BRIP1: variants seen among roughly 807,000 people sequenced by gnomAD.
BRIP1 encodes the protein BRCA1 interacting DNA helicase 1.
In BRIP1, 88 loss-of-function variants were observed where a neutral mutation model predicts 119.7. That is an observed-to-expected ratio of 0.74 (90% CI 0.62 to 0.88). BRIP1 has a LOEUF of 0.88. Among genes scored for constraint, BRIP1 ranks in the 40% least tolerant of loss-of-function variants. The pLI is 0.00. For synonymous variants in BRIP1, 443 were observed against 496.5 expected (o/e 0.89, Z 1.43); for missense variants, 1,259 against 1,455.4 (o/e 0.87, Z 2.20).
Position 61,768,681 on chromosome 17 carries a change from C to T in BRIP1, c.2097+7720G>A, listed in dbSNP as rs2077405090. 6.6e-6 allele frequency among the ~76,000 whole-genome samples: 1 copy of T among 152,026 alleles called. No individual in the cohort carries two copies. The highest frequency in any genetic ancestry group is 6.6e-5 in the Admixed American group (1 of 15,256). On this transcript the variant is annotated intron_variant, in intron 14 of 19. Transcript: ENST00000259008. This position sits in a 1 kb window ranked among gnomAD's most constrained non-coding sequence, Gnocchi z 5.0. ...CCTGTGATAAAAAGTTTATGATAGC[C>T]CCTAAGATTCCTACTCCCTATATAC...
At chr17:61,849,540 G>A (rs985252759) in intron 4 of BRIP1, among the ~76,000 whole-genome samples, 4 of 152,128 alleles carry the variant, frequency 2.6e-5, no homozygotes, top group Admixed American at 2.6e-4. Flanking sequence ...ATGTATAACT[G>A]CAAGGATCTC....
At position 61,802,244 on chromosome 17, in the gene BRIP1, T is replaced by A. The variant is rs2078007139; in HGVS notation, c.919-770A>T. Among the ~76,000 whole-genome samples, 1 of 152,160 alleles carries A rather than the reference T, an allele frequency of 6.6e-6. No homozygotes were observed. The highest frequency in any genetic ancestry group is 1.5e-5 in the Non-Finnish European group (1 of 68,016). On this transcript the variant is annotated intron_variant, in intron 7 of 19. Coordinates refer to ENST00000259008, the MANE Select transcript of BRIP1 (RefSeq NM_032043.3). The surrounding 1 kb of genome is among the most constrained non-coding windows in gnomAD (Gnocchi z 6.0). Reference sequence around the variant, plus strand: ...GGGAGGCTTAGGCAAAAGGACTGTTTTAGGTGAGGAGTTTGATACCAGCCT... The same window carrying A: ...GGGAGGCTTAGGCAAAAGGACTGTTATAGGTGAGGAGTTTGATACCAGCCT...
rs949133687 is a variant in BRIP1, at chr17:61,826,408, A to G, written c.628-17651T>C. Among the ~76,000 whole-genome samples the G allele has an allele frequency of 2.0e-5, 3 of 152,202 alleles. No homozygotes were observed. The East Asian group carries it at 5.8e-4, about 29-fold the overall frequency. ...AAATTGACAAATGACACCCAATAAA[A>G]TTAAAGAGTTAATGCACAGCAAACG... is the stretch of plus-strand genomic sequence containing the variant. On this transcript the variant is annotated intron_variant, in intron 6 of 19. Transcript: ENST00000259008.
At chr17:61,786,759 T>C (rs1280106268) in intron 10 of BRIP1, among the ~76,000 whole-genome samples, 1 of 136,040 alleles carries the variant, frequency 7.4e-6, no homozygotes, top group African/African-American at 2.7e-5. Context: ...ATATTATATA[T>C]TTTATATATT....
chr17:61,797,933 G>C (rs2077926285), intron 9 of BRIP1, among the ~76,000 whole-genome samples: 1 of 151,966 alleles, frequency 6.6e-6, no homozygotes, highest in South Asian at 2.1e-4. Context: ...ATACATTGCT[G>C]GTAGAAGCAT....
rs942969529 is a variant in BRIP1 at position 61,769,553 on chromosome 17, T to G, written c.2097+6848A>C. Among the ~76,000 whole-genome samples the G allele has an allele frequency of 6.6e-6, 1 of 152,242 alleles. No individual in the cohort carries two copies. The highest frequency in any genetic ancestry group is 2.4e-5 in the African/African-American group (1 of 41,472). On this transcript the variant is annotated intron_variant, in intron 14 of 19. Transcript: ENST00000259008. This position sits in a 1 kb window ranked among gnomAD's most constrained non-coding sequence, Gnocchi z 4.9. ...TAATGTGCTAGTTTGCTCTTATGACTAGATTCTGAAACTCAGTAGCAAATT... is the reference window on the plus strand; with the variant it reads ...TAATGTGCTAGTTTGCTCTTATGACGAGATTCTGAAACTCAGTAGCAAATT...
chr17:61,791,366 G>T (rs541831627), intron 10 of BRIP1, among the ~76,000 whole-genome samples: 6 of 151,052 alleles, frequency 4.0e-5, no homozygotes, highest in African/African-American at 1.5e-4. Flanking sequence ...GGGCATGCCT[G>T]TAGTCCCAGC....
In BRIP1 at chr17:61,789,997, A is replaced by G. The variant is rs2077791041; in HGVS notation, c.1473+3600T>C. ...ATACAGTAGAATGAACTAATCTTAC[A>G]TGTACACCTCACTAAATACACACAC... is the stretch of plus-strand genomic sequence containing the variant. On this transcript the variant is annotated intron_variant, in intron 10 of 19. Transcript: ENST00000259008. This position sits in a 1 kb window ranked among gnomAD's most constrained non-coding sequence, Gnocchi z 4.8. 6.6e-6 allele frequency among the ~76,000 whole-genome samples: 1 copy of G among 152,126 alleles called. No homozygotes were observed. Among genetic ancestry groups the G allele is most frequent in the Non-Finnish European group, 1.5e-5 (1 of 68,004 alleles).
chr17:61,693,372 A>G lies in BRIP1; in HGVS notation c.2575+58T>C. ...GAGCTCATGTTATGTGTTTTTCACC[A>G]CAATAAAAATATGAAGATTGTTACT... On this transcript the variant is annotated intron_variant, in intron 18 of 19. Coordinates refer to ENST00000259008, the MANE Select transcript of BRIP1 (RefSeq NM_032043.3). The surrounding 1 kb of genome is among the most constrained non-coding windows in gnomAD (Gnocchi z 4.2). 1.4e-6 allele frequency: 2 copies of G among 1,450,442 alleles called. No individual in the cohort carries two copies. The highest frequency in any genetic ancestry group is 2.3e-5 in the South Asian group (2 of 87,816). 89.8% of individuals were successfully genotyped at this position (1,450,442 alleles called of 1,614,324 possible).
rs1437222408 is a variant in BRIP1, at chr17:61,684,150, C to T, written c.2906-10G>A. ...AGGAATACTGGATCATCTAAGAATA[C>T]AAGAATTTAAGAGATTTAACTTTCT... On this transcript the variant is annotated splice_polypyrimidine_tract_variant and intron_variant, in intron 19 of 19. Coordinates refer to ENST00000259008, the MANE Select transcript of BRIP1 (RefSeq NM_032043.3). The surrounding 1 kb of genome is among the most constrained non-coding windows in gnomAD (Gnocchi z 4.5). The T allele has an allele frequency of 1.2e-6, 2 of 1,612,174 alleles. No homozygotes were observed. Among genetic ancestry groups the T allele is most frequent in the African/African-American group, 1.3e-5 (1 of 74,930 alleles).
chr17:61,800,335 A>C (rs1013122304), intron 8 of BRIP1, among the ~76,000 whole-genome samples: 1 of 152,170 alleles, frequency 6.6e-6, no homozygotes, highest in African/African-American at 2.4e-5. Flanking sequence ...AAGAGTAGGA[A>C]ATATATTGGG....
Position 61,804,415 on chromosome 17 carries a change from T to TGA in BRIP1, c.919-2942_919-2941insTC, listed in dbSNP as rs1567834515. On this transcript the variant is annotated intron_variant, in intron 7 of 19. Transcript: ENST00000259008. The surrounding 1 kb of genome is among the most constrained non-coding windows in gnomAD (Gnocchi z 4.5). Reference sequence around the variant, plus strand: ...TTTGAGGCAGCTATATACATATGTGTGTGTGTGTGTGTGTGTGTGTGTGTG... The same window carrying TGA: ...TTTGAGGCAGCTATATACATATGTGTGAGTGTGTGTGTGTGTGTGTGTGTGTG... Among the ~76,000 whole-genome samples, 1 of 38,414 alleles carries TGA rather than the reference T, an allele frequency of 2.6e-5. No homozygotes were observed. The highest frequency in any genetic ancestry group is 1.1e-3 in the South Asian group (1 of 878). The allele number at this position is 38,414 out of a possible 152,430, so 25.2% of individuals were successfully genotyped here.
chr17:61,719,899 GCT>G (rs2061944854), intron 16 of BRIP1, among the ~76,000 whole-genome samples: 1 of 152,092 alleles, frequency 6.6e-6, no homozygotes, highest in East Asian at 1.9e-4. Flanking sequence ...TGCGATCATG[GCT>G]TACTTCAGCC....
intron 6 of BRIP1, among the ~76,000 whole-genome samples, chr17:61,812,293 T>C (rs188364200): frequency 4.9e-4 from 75 of 152,332 alleles, no homozygotes; most frequent in Non-Finnish European, 8.5e-4. Context: ...TGATCATGTT[T>C]ATCTTTCAAA....
At position 61,808,196 on chromosome 17, in the gene BRIP1, A is replaced by C. The variant is rs2078101737; in HGVS notation, c.918+271T>G. Among the ~76,000 whole-genome samples, 1 of 152,206 alleles carries C rather than the reference A, an allele frequency of 6.6e-6. No homozygotes were observed. The highest frequency in any genetic ancestry group is 2.4e-5 in the African/African-American group (1 of 41,462). ...TCCAAGTTTGACTATTTTTGGTAGC[A>C]GGATTTAAAAGAAGAAACTAAGATG... On this transcript the variant is annotated intron_variant, in intron 7 of 19. Transcript: ENST00000259008. This position sits in a 1 kb window ranked among gnomAD's most constrained non-coding sequence, Gnocchi z 4.1.
chr17:61,848,268 C>A lies in BRIP1; in HGVS notation c.507+861G>T, dbSNP rs1004405596. 6.6e-6 allele frequency among the ~76,000 whole-genome samples: 1 copy of A among 152,170 alleles called. No homozygotes were observed. Among genetic ancestry groups the A allele is most frequent in the Non-Finnish European group, 1.5e-5 (1 of 68,016 alleles). On this transcript the variant is annotated intron_variant, in intron 5 of 19. Coordinates refer to ENST00000259008, the MANE Select transcript of BRIP1 (RefSeq NM_032043.3). The surrounding 1 kb of genome is among the most constrained non-coding windows in gnomAD (Gnocchi z 4.3). ...TCTTAGCTCACCACAGCCTTCAACTCCTAGGCTTGAGCAATCCTCCTATCT... is the reference window on the plus strand; with the variant it reads ...TCTTAGCTCACCACAGCCTTCAACTACTAGGCTTGAGCAATCCTCCTATCT...
chr17:61,804,481 T>C lies in BRIP1; in HGVS notation c.919-3007A>G, dbSNP rs1667565042. 6.6e-6 allele frequency among the ~76,000 whole-genome samples: 1 copy of C among 151,228 alleles called. No homozygotes were observed. The highest frequency in any genetic ancestry group is 2.4e-5 in the African/African-American group (1 of 41,154). On this transcript the variant is annotated intron_variant, in intron 7 of 19. Transcript: ENST00000259008. This position sits in a 1 kb window ranked among gnomAD's most constrained non-coding sequence, Gnocchi z 4.5. Reference sequence around the variant, plus strand: ...GTACATACACATACATATATACATATGGGTTCAAGCACTTCTCATGCCTCA... The same window carrying C: ...GTACATACACATACATATATACATACGGGTTCAAGCACTTCTCATGCCTCA...
intron 16 of BRIP1, among the ~76,000 whole-genome samples, chr17:61,716,518 A>G (rs190502505): frequency 4.8e-4 from 73 of 152,186 alleles, no homozygotes; most frequent in African/African-American, 1.7e-3. Context: ...ATTATCATAT[A>G]CTATGTAATG....
chr17:61,802,508 G>C lies in BRIP1; in HGVS notation c.919-1034C>G, dbSNP rs574863941. 1.3e-5 allele frequency among the ~76,000 whole-genome samples: 2 copies of C among 152,060 alleles called. No individual in the cohort carries two copies. Among genetic ancestry groups the C allele is most frequent in the Non-Finnish European group, 2.9e-5 (2 of 67,998 alleles). On this transcript the variant is annotated intron_variant, in intron 7 of 19. Coordinates refer to ENST00000259008, the MANE Select transcript of BRIP1 (RefSeq NM_032043.3). This position sits in a 1 kb window ranked among gnomAD's most constrained non-coding sequence, Gnocchi z 6.0. ...AAAGCAAATGTTCCCCAGGCATTGAGGATTATTAACAATTCAGCCACAATA... is the reference window on the plus strand; with the variant it reads ...AAAGCAAATGTTCCCCAGGCATTGACGATTATTAACAATTCAGCCACAATA...
Sources: gnomAD v4.1 joint callset for allele counts (sites outside exome capture counted in the v4.1 genomes callset) on GRCh38, gnomAD v4.1.1 for gene constraint, Gnocchi (gnomAD v3.1) non-coding constraint, MANE v1.5 for transcripts, NCBI Gene and HGNC (gene_info 2026-07-23, HGNC 2026-07-21) for gene names.